Variants in LRMDA observed in about 807,000 individuals in gnomAD.
LRMDA encodes leucine rich melanocyte differentiation associated, also known as leucine-rich melanocyte differentiation-associated protein.
In LRMDA, 18 loss-of-function variants were observed where a neutral mutation model predicts 29.8. The observed-to-expected ratio is 0.60, with a 90% CI of 0.42 to 0.90. The LOEUF (loss-of-function observed/expected upper bound fraction) is 0.90. LRMDA is among the 40% of genes least tolerant of loss of function. The probability of loss-of-function intolerance (pLI) is 0.00; values close to 1 mark genes in which losing one functional copy is unlikely to be tolerated. For synonymous variants in LRMDA, 125 were observed against 109.4 expected (o/e 1.14, Z -0.89); for missense variants, 273 against 273.9 (o/e 1.00, Z 0.02).
intron 2 of LRMDA, among the ~76,000 whole-genome samples, chr10:75,513,354 T>G (rs906850806): frequency 6.6e-6 from 1 of 152,222 alleles, no homozygotes; most frequent in Non-Finnish European, 1.5e-5. Flanking sequence ...AGATGTCACA[T>G]TTTTGTCACC....
At chr10:75,704,754 G>C (rs1842347248) in intron 2 of LRMDA, among the ~76,000 whole-genome samples, 1 of 152,218 alleles carries the variant, frequency 6.6e-6, no homozygotes, top group Non-Finnish European at 1.5e-5. Flanking sequence ...GCCCGAGCCA[G>C]GTGGGTCCAG....
intron 2 of LRMDA, among the ~76,000 whole-genome samples, chr10:75,838,577 A>T (rs1303214042): frequency 6.6e-6 from 1 of 152,168 alleles, no homozygotes; most frequent in Non-Finnish European, 1.5e-5. Flanking sequence ...TGAAAAAGTC[A>T]AGCCTCTTGC....
intron 5 of LRMDA, among the ~76,000 whole-genome samples, chr10:76,161,300 A>C (rs952333335): frequency 1.3e-5 from 2 of 152,318 alleles, no homozygotes; most frequent in East Asian, 1.9e-4. Context: ...ATGAATTTCA[A>C]CGTTGGCAGA....
rs1843545679 is a variant in LRMDA, at chr10:75,790,410, A to C, written c.132-245598A>C. ...TTTAACCCATTGAGTCCTTGCAACA[A>C]GCCTGAATTGCAGATGTTGCTAAAA... On this transcript the variant is annotated intron_variant, in intron 2 of 6. Transcript: ENST00000611255. Among the ~76,000 whole-genome samples the C allele has an allele frequency of 2.0e-5, 3 of 152,364 alleles. No homozygotes were observed. The South Asian group carries it at 6.2e-4, about 32-fold the overall frequency.
At chr10:75,957,634 ATAAAAG>A (rs1167408402) in intron 2 of LRMDA, among the ~76,000 whole-genome samples, 1 of 152,222 alleles carries the variant, frequency 6.6e-6, no homozygotes, top group Non-Finnish European at 1.5e-5. Flanking sequence ...ATGAGTATTG[ATAAAAG>A]TAAAGTTTAA....
At chr10:75,758,984 T>A (rs1589190427) in intron 2 of LRMDA, among the ~76,000 whole-genome samples, 1 of 151,884 alleles carries the variant, frequency 6.6e-6, no homozygotes, top group South Asian at 2.1e-4. Flanking sequence ...GTTCACTTGG[T>A]GATTTAAATG....
chr10:75,618,382 C>CTCTATATATA (rs1338091170), intron 2 of LRMDA, among the ~76,000 whole-genome samples: 27 of 77,034 alleles, frequency 3.5e-4, no homozygotes, highest in African/African-American at 1.1e-3. Flanking sequence ...CTCTCTCTCT[C>CTCTATATATA]TATATATATA....
intron 2 of LRMDA, among the ~76,000 whole-genome samples, chr10:75,558,038 C>T (rs1840237195): frequency 6.6e-6 from 1 of 152,092 alleles, no homozygotes; most frequent in Non-Finnish European, 1.5e-5. Flanking sequence ...AGGGTATGCA[C>T]TGCACTGCTT....
intron 2 of LRMDA, among the ~76,000 whole-genome samples, chr10:76,011,887 G>A (rs1847788995): frequency 1.3e-5 from 2 of 152,190 alleles, no homozygotes; most frequent in African/African-American, 4.8e-5. Flanking sequence ...GATTGCATGG[G>A]ATGGAAGGAG....
At chr10:75,652,212 C>T (rs190546272) in intron 2 of LRMDA, among the ~76,000 whole-genome samples, 1 of 152,310 alleles carries the variant, frequency 6.6e-6, no homozygotes, top group African/African-American at 2.4e-5. Flanking sequence ...AAAGCAAGTC[C>T]GACATCCCTC....
At position 76,557,663 on chromosome 10, in the gene LRMDA, G is replaced by A. The variant is rs1167703234; in HGVS notation, c.*375G>A. The A allele has an allele frequency of 4.5e-6, 1 of 223,976 alleles. No homozygotes were observed. The highest frequency in any genetic ancestry group is 8.8e-6 in the Non-Finnish European group (1 of 113,134). 13.9% of individuals were successfully genotyped at this position (223,976 alleles called of 1,614,324 possible). ...TCCCTGGACATGCTCAGTGGCTGCA[G>A]TCAAGTGAGAAAGACTGTCCTCAGC... On this transcript the variant is annotated 3_prime_UTR_variant, in exon 7 of 7. Transcript: ENST00000611255.
chr10:75,949,173 G>A (rs1246309988), intron 2 of LRMDA, among the ~76,000 whole-genome samples: 1 of 152,174 alleles, frequency 6.6e-6, no homozygotes, highest in East Asian at 1.9e-4. Flanking sequence ...TAGGTGAGTT[G>A]GAAGTGGGTG....
At chr10:76,476,882 T>G (rs1029097987) in intron 6 of LRMDA, among the ~76,000 whole-genome samples, 6 of 151,914 alleles carry the variant, frequency 3.9e-5, no homozygotes, top group Admixed American at 6.6e-5. Context: ...AATAAATTAG[T>G]TATTGATGGG....
intron 2 of LRMDA, among the ~76,000 whole-genome samples, chr10:75,683,234 A>G (rs1262675897): frequency 6.6e-6 from 1 of 152,166 alleles, no homozygotes; most frequent in Non-Finnish European, 1.5e-5. Flanking sequence ...CCAAGGCAGC[A>G]CTCACCAAAT....
chr10:75,439,515 T>C (rs1260898786), intron 2 of LRMDA, among the ~76,000 whole-genome samples: 2 of 152,138 alleles, frequency 1.3e-5, no homozygotes, highest in Non-Finnish European at 2.9e-5. Flanking sequence ...TGAACACAAC[T>C]CAGGGTAATA....
chr10:75,503,873 A>T (rs1318697979), intron 2 of LRMDA, among the ~76,000 whole-genome samples: 1 of 152,106 alleles, frequency 6.6e-6, no homozygotes, highest in Non-Finnish European at 1.5e-5. Context: ...TTCATTTGGA[A>T]AGGTCAACAA....
chr10:76,317,415 G>C (rs1431095187), intron 5 of LRMDA, among the ~76,000 whole-genome samples: 1 of 151,806 alleles, frequency 6.6e-6, no homozygotes, highest in African/African-American at 2.4e-5. Context: ...CCTCTGATAG[G>C]ACAGATTGAA....
At chr10:76,019,504 C>T (rs1847934452) in intron 2 of LRMDA, among the ~76,000 whole-genome samples, 2 of 151,924 alleles carry the variant, frequency 1.3e-5, no homozygotes, top group Admixed American at 1.3e-4. Context: ...CATTGAAAGA[C>T]AAAACTATTG....
intron 2 of LRMDA, among the ~76,000 whole-genome samples, chr10:75,914,137 T>A (rs533964795): frequency 2.6e-5 from 4 of 152,052 alleles, no homozygotes; most frequent in Admixed American, 2.0e-4. Flanking sequence ...GCGCAAGGAT[T>A]TTTTTTTCCT....
Sources: allele counts gnomAD v4.1 joint callset (sites outside exome capture counted in the v4.1 genomes callset), GRCh38; gene constraint gnomAD v4.1.1; transcripts MANE v1.5; gene names NCBI Gene and HGNC (gene_info 2026-07-23, HGNC 2026-07-21).